CDC42BPA: variants seen among roughly 807,000 people sequenced by gnomAD.
CDC42BPA encodes the protein serine/threonine-protein kinase MRCK alpha.
In CDC42BPA, 80 loss-of-function variants were observed where a neutral mutation model predicts 223.5. The ratio of observed to expected loss-of-function variants is 0.36; its 90% CI spans 0.30 to 0.43. The LOEUF (loss-of-function observed/expected upper bound fraction) is 0.43. Among genes scored for constraint, CDC42BPA ranks in the 20% least tolerant of loss-of-function variants. The pLI is 1.00. For missense variants in CDC42BPA, 1,743 were observed against 2,099.9 expected, an observed-to-expected ratio of 0.83 and a Z score of 3.32; for synonymous variants, 694 against 718.6, an observed-to-expected ratio of 0.97 and a Z score of 0.55.
chr1:227,125,680 C>T (rs1429066711), intron 11 of CDC42BPA, among the ~76,000 whole-genome samples: 1 of 151,530 alleles, frequency 6.6e-6, no homozygotes, highest in Non-Finnish European at 1.5e-5. Flanking sequence ...CAAGCCTCTC[C>T]TCACACATTG....
chr1:227,310,745 G>A (rs533220558), intron 1 of CDC42BPA, among the ~76,000 whole-genome samples: 15 of 146,226 alleles, frequency 1.0e-4, no homozygotes, highest in Middle Eastern at 3.5e-3. Flanking sequence ...GGAGTGCAGT[G>A]GCGCGATCTC....
intron 5 of CDC42BPA, among the ~76,000 whole-genome samples, chr1:227,188,243 G>T (rs1027433821): frequency 6.6e-6 from 1 of 152,082 alleles, no homozygotes; most frequent in African/African-American, 2.4e-5. Context: ...ACAAGAACAA[G>T]GAATTAGGAT....
At chr1:227,075,974 G>A (rs1335869937) in intron 17 of CDC42BPA, among the ~76,000 whole-genome samples, 1 of 151,896 alleles carries the variant, frequency 6.6e-6, no homozygotes, top group East Asian at 1.9e-4. Context: ...TTCTAACTTT[G>A]CTTTTTATTT....
chr1:227,178,722 C>T (rs7535381), intron 5 of CDC42BPA, among the ~76,000 whole-genome samples: 103,577 of 151,998 alleles, frequency 0.68, 35,528 homozygotes, highest in South Asian at 0.73. Flanking sequence ...CTTGAACTCC[C>T]AACCTCAGGT....
chr1:227,227,175 A>T (rs1389604690), intron 2 of CDC42BPA, among the ~76,000 whole-genome samples: 5 of 152,174 alleles, frequency 3.3e-5, no homozygotes, highest in Non-Finnish European at 1.5e-5. Context: ...ATGAAGTAGG[A>T]TATATAAACA....
Position 227,317,809 on chromosome 1 carries a change from C to A in CDC42BPA, c.-627G>T, listed in dbSNP as rs1694644312. 5.0e-6 allele frequency: 2 copies of A among 398,566 alleles called. No homozygotes were observed. Among genetic ancestry groups the A allele is most frequent in the Non-Finnish European group, 8.8e-6 (2 of 226,106 alleles). The allele number at this position is 398,566 out of a possible 1,614,324, so 24.7% of individuals were successfully genotyped here. On this transcript the variant is annotated 5_prime_UTR_variant, in exon 1 of 37. Coordinates refer to ENST00000366766, the MANE Select transcript of CDC42BPA (RefSeq NM_001394014.1). ...CCTGAAGCAGCCCCTCGGCTCGGAG[C>A]ACGCCAAGTCTTGCCCGGAGGCGGC...
In CDC42BPA at chr1:227,269,601, A is replaced by G. The variant is rs906393837; in HGVS notation, c.179-15446T>C. On this transcript the variant is annotated intron_variant, in intron 1 of 36. Coordinates refer to ENST00000366766, the MANE Select transcript of CDC42BPA (RefSeq NM_001394014.1). ...AGAAAAATAAAACAACATTGGAAAAATATATTTGTAACAAATATTTACGTA... is the reference window on the plus strand; with the variant it reads ...AGAAAAATAAAACAACATTGGAAAAGTATATTTGTAACAAATATTTACGTA... Among the ~76,000 whole-genome samples the G allele has an allele frequency of 3.9e-5, 6 of 152,216 alleles. 1 individual carries two copies. The highest frequency in any genetic ancestry group is 1.4e-4 in the African/African-American group (6 of 41,476).
At chr1:227,175,900 C>G (rs1389969393) in intron 5 of CDC42BPA, among the ~76,000 whole-genome samples, 1 of 152,158 alleles carries the variant, frequency 6.6e-6, no homozygotes, top group Non-Finnish European at 1.5e-5. Context: ...ATGCTCACTG[C>G]TACGTGCTGG....
At chr1:227,212,644 T>A (rs960532270) in intron 3 of CDC42BPA, among the ~76,000 whole-genome samples, 1 of 152,162 alleles carries the variant, frequency 6.6e-6, no homozygotes, top group Non-Finnish European at 1.5e-5. Context: ...TACATAAAAA[T>A]GCAGGCAGTT....
chr1:227,223,100 T>G (rs575364524), intron 2 of CDC42BPA, among the ~76,000 whole-genome samples: 1 of 152,288 alleles, frequency 6.6e-6, no homozygotes, highest in East Asian at 1.9e-4. Flanking sequence ...AGGAGGAAAG[T>G]GTATAGTATG....
At chr1:227,142,218 C>A (rs559170118) in intron 9 of CDC42BPA, among the ~76,000 whole-genome samples, 5 of 152,000 alleles carry the variant, frequency 3.3e-5, no homozygotes, top group Non-Finnish European at 5.9e-5. Context: ...GTCAAAGGAA[C>A]TGAAATGGCA....
At chr1:227,168,497 G>GTTTTTTTTTTTTGTTTTTGTT (rs1553374261) in intron 5 of CDC42BPA, among the ~76,000 whole-genome samples, 2 of 80,196 alleles carry the variant, frequency 2.5e-5, no homozygotes, top group African/African-American at 9.9e-5. Flanking sequence ...CTTCCCTGGT[G>GTTTTTTTTTTTTGTTTTTGTT]TTTTTTTTTT....
intron 14 of CDC42BPA, among the ~76,000 whole-genome samples, chr1:227,110,248 T>C (rs780701481): frequency 5.9e-5 from 9 of 152,220 alleles, no homozygotes; most frequent in Non-Finnish European, 1.0e-4. Flanking sequence ...GTCAAAAGTA[T>C]TCTCAATGAA....
chr1:227,145,740 A>AG lies in CDC42BPA; in HGVS notation c.895-4_895-3insC. 6.3e-7 allele frequency: 1 copy of AG among 1,598,566 alleles called. No individual in the cohort carries two copies. Among genetic ancestry groups the AG allele is most frequent in the South Asian group, 1.1e-5 (1 of 88,370 alleles). On this transcript the variant is annotated splice_region_variant and splice_polypyrimidine_tract_variant and intron_variant, in intron 7 of 36. Transcript: ENST00000366766. ...TGGGCTGGAAACTGAAACCTCTCCT[A>AG]AACAGAGAAAAACAGAAACAAAATA...
intron 1 of CDC42BPA, among the ~76,000 whole-genome samples, chr1:227,311,952 T>C (rs554507911): frequency 6.6e-6 from 1 of 152,142 alleles, no homozygotes; most frequent in Non-Finnish European, 1.5e-5. Context: ...GTGTCCTTTT[T>C]GAAAAAATGA....
chr1:227,232,928 T>A (rs991126574), intron 2 of CDC42BPA, among the ~76,000 whole-genome samples: 1 of 152,166 alleles, frequency 6.6e-6, no homozygotes, highest in African/African-American at 2.4e-5. Context: ...GAAGCACTAC[T>A]CCCTTCAAAG....
chr1:227,023,266 C>T lies in CDC42BPA; in HGVS notation c.4612G>A (p.Ala1538Thr). Residue 1538 changes from alanine (A) to threonine (T), a missense_variant, in exon 32 of 37, where the codon GCA becomes ACA. Ala to Thr is a moderately conservative substitution (Grantham distance 58). Coordinates refer to ENST00000366766, the MANE Select transcript of CDC42BPA (RefSeq NM_001394014.1). ...IRLIYFKNKM[A>T]EGDELVVPET... ...ATGAATATATGTATTTTCTTACCTGCCATCTTATTTTTGAAATATATTAAT... is the reference window on the plus strand; with the variant it reads ...ATGAATATATGTATTTTCTTACCTGTCATCTTATTTTTGAAATATATTAAT... The T allele has an allele frequency of 7.4e-7, 1 of 1,355,584 alleles. No homozygotes were observed. The allele number at this position is 1,355,584 out of a possible 1,614,324, so 84.0% of individuals were successfully genotyped here.
chr1:227,296,969 A>C (rs1690756221), intron 1 of CDC42BPA, among the ~76,000 whole-genome samples: 1 of 152,204 alleles, frequency 6.6e-6, no homozygotes. Flanking sequence ...AAGAACTCTA[A>C]CAACAAAAGA....
intron 34 of CDC42BPA, among the ~76,000 whole-genome samples, chr1:227,014,261 A>T (rs1665780599): frequency 6.6e-6 from 1 of 152,158 alleles, no homozygotes; most frequent in African/African-American, 2.4e-5. Flanking sequence ...GAAAATTTTT[A>T]AAAGTACTAT....
Sources: allele counts gnomAD v4.1 joint callset (sites outside exome capture counted in the v4.1 genomes callset), GRCh38; gene constraint gnomAD v4.1.1; transcripts MANE v1.5; gene names NCBI Gene and HGNC (gene_info 2026-07-23, HGNC 2026-07-21).